The following KMT2C variants were observed in gnomAD, a reference collection of about 807,000 sequenced individuals.
The protein encoded by KMT2C is histone-lysine N-methyltransferase 2C.
KMT2C carries 88 observed loss-of-function variants against 507.9 expected under a neutral mutation model. The ratio of observed to expected loss-of-function variants is 0.17; its 90% CI spans 0.15 to 0.21. The LOEUF (loss-of-function observed/expected upper bound fraction) is 0.21, where lower values mean the gene tolerates loss of function less well. KMT2C is among the 10% of genes least tolerant of loss of function. KMT2C has a pLI of 1.00. For synonymous variants in KMT2C, 2,049 were observed against 2,080.8 expected (o/e 0.98, Z 0.42); for missense variants, 4,954 against 5,957.8 (o/e 0.83, Z 5.55).
chr7:152,176,108 TCTA>T, intron 38 of KMT2C, 80 bp downstream of exon 38: 1 of 1,294,528 alleles, frequency 7.7e-7, no homozygotes. Context: ...CAACTGTAAT[TCTA>T]ATAATAAAAT....
Position 152,138,737 on chromosome 7 carries a change from AG to A in KMT2C, c.14643+58del. ...AAGTGAGTAAGTGACCTGTGTGAGG[AG>A]GGAACTATTCGCCCAGGATCTGAAC... On this transcript the variant is annotated intron_variant, in intron 58 of 58. Coordinates refer to ENST00000262189, the MANE Select transcript of KMT2C (RefSeq NM_170606.3). The surrounding 1 kb of genome is among the most constrained non-coding windows in gnomAD (Gnocchi z 4.2). 2.0e-6 allele frequency: 2 copies of A among 1,012,730 alleles called. No individual in the cohort carries two copies. Among genetic ancestry groups the A allele is most frequent in the South Asian group, 1.5e-5 (1 of 65,534 alleles). The allele number at this position is 1,012,730 out of a possible 1,614,324, so 62.7% of individuals were successfully genotyped here.
At chr7:152,234,838 C>T (rs2095231022) in intron 16 of KMT2C, among the ~76,000 whole-genome samples, 1 of 151,516 alleles carries the variant, frequency 6.6e-6, no homozygotes, top group African/African-American at 2.4e-5. Flanking sequence ...TAGCTATGAT[C>T]GCACCACTGC....
chr7:152,221,732 TAA>T (rs2094778426), intron 22 of KMT2C, among the ~76,000 whole-genome samples: 1 of 152,216 alleles, frequency 6.6e-6, no homozygotes, highest in Non-Finnish European at 1.5e-5. Flanking sequence ...TTAAGCACAG[TAA>T]TATATCAATG....
At chr7:152,359,841 G>A (rs2097181166) in intron 1 of KMT2C, among the ~76,000 whole-genome samples, 1 of 151,876 alleles carries the variant, frequency 6.6e-6, no homozygotes, top group Non-Finnish European at 1.5e-5. Context: ...CTGAGGTCAG[G>A]AGGTCACGAA....
intron 1 of KMT2C, among the ~76,000 whole-genome samples, chr7:152,427,061 G>A (rs2097826263): frequency 6.6e-6 from 1 of 151,968 alleles, no homozygotes; most frequent in Non-Finnish European, 1.5e-5. Context: ...TGTCGCCCAG[G>A]CTGGAGTGCA....
intron 31 of KMT2C, among the ~76,000 whole-genome samples, chr7:152,192,503 T>C (rs765161670): frequency 6.6e-6 from 1 of 150,896 alleles, no homozygotes; most frequent in Admixed American, 6.6e-5. Context: ...ATCACGCCAC[T>C]GCACTCCAGC....
At chr7:152,295,785 G>A (rs1013568148) in intron 6 of KMT2C, among the ~76,000 whole-genome samples, 6 of 152,122 alleles carry the variant, frequency 3.9e-5, no homozygotes, top group African/African-American at 4.8e-5. Context: ...ATGAACGCTC[G>A]GCTGGGCGCA....
chr7:152,152,805 T>C lies in KMT2C; in HGVS notation c.12426A>G (p.Leu4142=). 3 of 1,614,080 alleles carry C rather than the reference T, an allele frequency of 1.9e-6. No individual in the cohort carries two copies. The highest frequency in any genetic ancestry group is 2.5e-6 in the Non-Finnish European group (3 of 1,180,000). The change falls in exon 49 of 59, where the codon TTA becomes TTG. Residue 4142 remains leucine, a synonymous_variant. Transcript: ENST00000262189. ...INPGLEYRQH[L]LLRGPPPGSA... is the part of the protein sequence containing the mutation. The stretch of plus-strand genomic sequence containing the variant: ...ATCCTGGCGGAGGCCCACGGAGAAG[T>C]AAATGCTGTCGATACTCCAAACCCG...
chr7:152,374,807 C>T (rs1267610619), intron 1 of KMT2C, among the ~76,000 whole-genome samples: 2 of 150,010 alleles, frequency 1.3e-5, no homozygotes, highest in East Asian at 2.0e-4. Flanking sequence ...GGCTTGAACC[C>T]GAGAGGCGGA....
intron 6 of KMT2C, among the ~76,000 whole-genome samples, chr7:152,284,602 A>G (rs1038369253): frequency 1.3e-5 from 2 of 152,196 alleles, no homozygotes; most frequent in Middle Eastern, 3.2e-3. Flanking sequence ...GCTGTTCAAT[A>G]AACATTGCTA....
Position 152,147,007 on chromosome 7 carries a change from C to T in KMT2C, c.13895-272G>A, listed in dbSNP as rs532943194. On this transcript the variant is annotated intron_variant, in intron 52 of 58. Transcript: ENST00000262189. ...GTAACTGAAATTCATGCAAACAGTTCATTTACTTTCATAGTGGCCATATAA... is the reference window on the plus strand; with the variant it reads ...GTAACTGAAATTCATGCAAACAGTTTATTTACTTTCATAGTGGCCATATAA... 2.8e-4 allele frequency among the ~76,000 whole-genome samples: 43 copies of T among 152,150 alleles called. No homozygotes were observed. The South Asian group carries it at 8.3e-3, about 29-fold the overall frequency.
chr7:152,181,675 T>C lies in KMT2C; in HGVS notation c.6185A>G (p.Gln2062Arg), dbSNP rs756421421. ...SSQDPYGSVS[Q>R]ASRRLSVDPY... ...GTCAACAGACAATCGCCTTGATGCC[T>C]GTGACACTGATCCATAAGGATCCTG... Residue 2062 changes from glutamine to arginine, a missense_variant, in exon 36 of 59, where the codon CAG (glutamine) becomes CGG (arginine). By Grantham distance (43) the Gln-to-Arg change is conservative (BLOSUM62 1). Coordinates refer to ENST00000262189, the MANE Select transcript of KMT2C (RefSeq NM_170606.3). 2 of 1,614,164 alleles carry C rather than the reference T, an allele frequency of 1.2e-6. No homozygotes were observed. Among genetic ancestry groups the C allele is most frequent in the South Asian group, 2.2e-5 (2 of 91,084 alleles).
At chr7:152,271,789 T>C (rs1314337131) in intron 7 of KMT2C, among the ~76,000 whole-genome samples, 1 of 151,964 alleles carries the variant, frequency 6.6e-6, no homozygotes, top group African/African-American at 2.4e-5. Flanking sequence ...ATGAAACTGA[T>C]ATTTTTCTAC....
At chr7:152,425,100 G>A (rs1430742678) in intron 1 of KMT2C, among the ~76,000 whole-genome samples, 3 of 152,126 alleles carry the variant, frequency 2.0e-5, no homozygotes, top group Non-Finnish European at 4.4e-5. Context: ...CACCAATACA[G>A]TAGACTACCA....
rs1207441148 is a variant in KMT2C at position 152,207,365 on chromosome 7, T to C, written c.3776A>G (p.Asp1259Gly). The change falls in exon 24 of 59, where the codon GAT becomes GGT. Residue 1259 changes from aspartate to glycine, a missense_variant. Coordinates refer to ENST00000262189, the MANE Select transcript of KMT2C (RefSeq NM_170606.3). ...ESSPEREAVD[D>G]ETKGVEGTDG... ...TGTTCCTTCCACTCCCTTAGTTTCA[T>C]CATCCACAGCTTCCCGCTCAGGACT... 1 of 1,612,112 alleles carries C rather than the reference T, an allele frequency of 6.2e-7. No homozygotes were observed. The highest frequency in any genetic ancestry group is 1.3e-5 in the African/African-American group (1 of 74,774).
intron 1 of KMT2C, chr7:152,368,404 A>C: frequency 3.5e-6 from 4 of 1,130,680 alleles, no homozygotes; most frequent in Non-Finnish European, 5.2e-6. Flanking sequence ...TAAAATGAAG[A>C]AGATAGAGAT....
chr7:152,287,371 C>A (rs913678543), intron 6 of KMT2C, among the ~76,000 whole-genome samples: 1 of 152,180 alleles, frequency 6.6e-6, no homozygotes, highest in Non-Finnish European at 1.5e-5. Context: ...CCAGAGTTTT[C>A]ACTCCTACTC....
rs766918999 is a variant in KMT2C at position 152,154,015 on chromosome 7, C to T, written c.12271G>A (p.Ala4091Thr). Residue 4091 changes from alanine (A) to threonine (T), a missense_variant, in exon 48 of 59, where the codon GCT becomes ACT. By Grantham distance (58) the Ala-to-Thr change is moderately conservative (BLOSUM62 0). This residue lies in a region of KMT2C where 417 missense variants were observed against 461.1 expected (regional missense o/e 0.90). Transcript: ENST00000262189. ...SVAITLHPTAAENISSVVAAF... is the reference protein window; with the variant it reads ...SVAITLHPTATENISSVVAAF... ...GAAGTCATTTAATCTTTTACCTCAGCAGCTGTAGGATGCAGAGTAATTGCT... is the reference window on the plus strand; with the variant it reads ...GAAGTCATTTAATCTTTTACCTCAGTAGCTGTAGGATGCAGAGTAATTGCT... 5.0e-6 allele frequency: 8 copies of T among 1,613,284 alleles called. No individual in the cohort carries two copies. The highest frequency in any genetic ancestry group is 6.8e-6 in the Non-Finnish European group (8 of 1,179,772).
chr7:152,340,193 G>A (rs2096978270), intron 2 of KMT2C, among the ~76,000 whole-genome samples: 1 of 131,510 alleles, frequency 7.6e-6, no homozygotes, highest in African/African-American at 2.9e-5. Flanking sequence ...TAACTATGTT[G>A]CCCAGGCTGG....
Sources: allele counts gnomAD v4.1 joint callset (sites outside exome capture counted in the v4.1 genomes callset), GRCh38; gene constraint gnomAD v4.1.1; regional missense constraint gnomAD v4.1.1; non-coding constraint Gnocchi (gnomAD v3.1); transcripts MANE v1.5; gene names NCBI Gene and HGNC (gene_info 2026-07-23, HGNC 2026-07-21).